The following CNOT11 variants were observed in gnomAD, a reference collection of about 807,000 sequenced individuals.
CNOT11 encodes UPF0760 protein C2orf29.
Under a neutral mutation model 44.6 loss-of-function variants are expected in CNOT11, and 18 were observed. That is an observed-to-expected ratio of 0.40 (90% confidence interval 0.28 to 0.60). The LOEUF (loss-of-function observed/expected upper bound fraction) is 0.60. Among genes scored for constraint, CNOT11 ranks in the 20% least tolerant of loss-of-function variants. CNOT11 has a pLI of 0.38. For missense variants in CNOT11, 513 were observed against 677.0 expected (o/e 0.76, Z 2.69); for synonymous variants, 291 against 270.9 (o/e 1.07, Z -0.73).
rs1194633325 is a variant in CNOT11, at chr2:101,264,964, G to A, written c.952G>A (p.Val318Ile). The A allele has an allele frequency of 1.2e-6, 2 of 1,614,044 alleles. No individual in the cohort carries two copies. Among genetic ancestry groups the A allele is most frequent in the African/African-American group, 1.3e-5 (1 of 74,906 alleles). ...HAIQWDKSMC[V>I]KNSTGVEIKR... ...GATCCAGTGGGATAAATCGATGTGT[G>A]TTAAGAATAGCACTGGTGTGGAGAT... The change falls in exon 4 of 7, where the codon GTT (valine) becomes ATT (isoleucine). Residue 318 changes from valine to isoleucine, a missense_variant. Physicochemically the swap from Val to Ile is conservative, Grantham distance 29. This residue lies in a region of CNOT11 where 140 missense variants were observed against 169.8 expected (regional missense o/e 0.82). Transcript: ENST00000289382.
rs1314629122 is a variant in CNOT11 at position 101,253,001 on chromosome 2, C to A, written c.37C>A (p.Leu13Ile). ...GGGASAASGR[L>I]LTAAEQRGSR... ...AGGGGCGAGCGCGGCGTCTGGCCGGCTTCTCACCGCCGCGGAGCAAAGAGG... is the reference window on the plus strand; with the variant it reads ...AGGGGCGAGCGCGGCGTCTGGCCGGATTCTCACCGCCGCGGAGCAAAGAGG... Residue 13 changes from leucine to isoleucine, a missense_variant, in exon 1 of 7, where the codon CTT (leucine) becomes ATT (isoleucine). By Grantham distance (5) the Leu-to-Ile change is conservative. This residue lies in a region of CNOT11 where 259 missense variants were observed against 265.7 expected (regional missense o/e 0.97). Transcript: ENST00000289382. This position sits in a 1 kb window ranked among gnomAD's most constrained non-coding sequence, Gnocchi z 4.3. 6.7e-7 allele frequency: 1 copy of A among 1,499,022 alleles called. No homozygotes were observed. 92.9% of individuals were successfully genotyped at this position (1,499,022 alleles called of 1,614,324 possible). A position where few individuals can be genotyped will look rare whatever the true frequency, so the allele number is the denominator to read the frequency against.
intron 2 of CNOT11, 149 bp from the exon 3 acceptor site, chr2:101,262,390 G>T: frequency 1.5e-6 from 1 of 647,216 alleles, no homozygotes; most frequent in South Asian, 2.2e-5. Context: ...GTGAGGACCT[G>T]CTATACGTAC....
At chr2:101,263,628 T>C (rs956941634) in intron 3 of CNOT11, among the ~76,000 whole-genome samples, 6 of 152,226 alleles carry the variant, frequency 3.9e-5, no homozygotes, top group Non-Finnish European at 8.8e-5. Flanking sequence ...TACCAGATGA[T>C]AGTGTAGTAT....
At chr2:101,268,200 C>A (rs1682033749) in intron 5 of CNOT11, among the ~76,000 whole-genome samples, 1 of 125,246 alleles carries the variant, frequency 8.0e-6, no homozygotes, top group South Asian at 2.9e-4. Flanking sequence ...CTGCACATCT[C>A]CCCCCTCTTT....
rs73943443 is a variant in CNOT11, at chr2:101,254,168, A to G, written c.514+690A>G. On this transcript the variant is annotated intron_variant, in intron 1 of 6. Transcript: ENST00000289382. ...CTCAAGCAGGTGATGCTTTATGTGG[A>G]TTTGCTTTGCGAGAAGACTTGCAGT... Among the ~76,000 whole-genome samples the G allele has an allele frequency of 9.2e-3, 1,397 of 152,186 alleles. 22 individuals are homozygous for G. Among genetic ancestry groups the G allele is most frequent in the South Asian group, 0.039 (190 of 4,830 alleles).
At chr2:101,268,063 G>A (rs567315803) in intron 5 of CNOT11, among the ~76,000 whole-genome samples, 16 of 152,360 alleles carry the variant, frequency 1.1e-4, no homozygotes, top group Non-Finnish European at 2.1e-4. Flanking sequence ...GTGGAAGTAC[G>A]TGCATAGAAG....
chr2:101,258,184 A>T (rs189532761), intron 2 of CNOT11, among the ~76,000 whole-genome samples: 5 of 152,128 alleles, frequency 3.3e-5, no homozygotes, highest in Admixed American at 6.6e-5. Context: ...ATTTGAGGTC[A>T]GGAGTTTGAG....
chr2:101,260,210 AAAC>A (rs1213493784), intron 2 of CNOT11, among the ~76,000 whole-genome samples: 1 of 152,214 alleles, frequency 6.6e-6, no homozygotes, highest in Admixed American at 6.5e-5. Flanking sequence ...TATTCCTGAC[AAAC>A]ACCAAAGATA....
At chr2:101,256,830 C>T (rs1425193226) in intron 1 of CNOT11, among the ~76,000 whole-genome samples, 3 of 152,008 alleles carry the variant, frequency 2.0e-5, no homozygotes, top group African/African-American at 4.8e-5. Flanking sequence ...GGGTGGATCT[C>T]GAGGTCAGGA....
intron 2 of CNOT11, among the ~76,000 whole-genome samples, chr2:101,262,274 C>T (rs1202672858): frequency 6.6e-6 from 1 of 152,202 alleles, no homozygotes; most frequent in Non-Finnish European, 1.5e-5. Flanking sequence ...CCTTGAATAA[C>T]ACTGTTTCAT....
In CNOT11 at chr2:101,269,457, T is replaced by C. The variant is rs1243096128; in HGVS notation, c.*44T>C. The C allele has an allele frequency of 4.5e-6, 7 of 1,552,002 alleles. No homozygotes were observed. Among genetic ancestry groups the C allele is most frequent in the African/African-American group, 1.4e-5 (1 of 73,706 alleles). ...CCATCCATTCACTGTTCAGCTGTAC[T>C]GTGATTTAGTTTTTACACCGTTAAA... On this transcript the variant is annotated 3_prime_UTR_variant, in exon 7 of 7. Transcript: ENST00000289382. This position sits in a 1 kb window ranked among gnomAD's most constrained non-coding sequence, Gnocchi z 4.8.
intron 1 of CNOT11, among the ~76,000 whole-genome samples, chr2:101,257,027 C>T (rs1440316635): frequency 6.7e-6 from 1 of 150,144 alleles, no homozygotes; most frequent in African/African-American, 2.5e-5. Context: ...CCAGCCTGGG[C>T]GACAGAGCGA....
At chr2:101,263,856 GT>G (rs1391785541) in intron 3 of CNOT11, among the ~76,000 whole-genome samples, 1 of 152,240 alleles carries the variant, frequency 6.6e-6, no homozygotes, top group Non-Finnish European at 1.5e-5. Flanking sequence ...CTCATAATAA[GT>G]GGGTCTAGCC....
intron 1 of CNOT11, among the ~76,000 whole-genome samples, chr2:101,257,441 A>G (rs1209695180): frequency 2.0e-5 from 3 of 151,448 alleles, no homozygotes; most frequent in African/African-American, 7.3e-5. Flanking sequence ...TCAAAGACAG[A>G]TTTTCTTTAG....
At position 101,263,247 on chromosome 2, in the gene CNOT11, C is replaced by T. The variant is rs538622225; in HGVS notation, c.832+556C>T. Reference sequence around the variant, plus strand: ...AAAAAAAATACAGATTCTCATTTTACTGAAATGAGTCTTTTTGTAGCAGCT... The same window carrying T: ...AAAAAAAATACAGATTCTCATTTTATTGAAATGAGTCTTTTTGTAGCAGCT... On this transcript the variant is annotated intron_variant, in intron 3 of 6. Coordinates refer to ENST00000289382, the MANE Select transcript of CNOT11 (RefSeq NM_017546.5). Among the ~76,000 whole-genome samples, 42 of 152,064 alleles carry T rather than the reference C, an allele frequency of 2.8e-4. 1 individual carries two copies. Among genetic ancestry groups the T allele is most frequent in the African/African-American group, 9.9e-4 (41 of 41,520 alleles).
Position 101,253,332 on chromosome 2 carries a change from A to C in CNOT11, c.368A>C (p.Gln123Pro), listed in dbSNP as rs1440844221. The change falls in exon 1 of 7, where the codon CAG (glutamine) becomes CCG (proline). Residue 123 changes from glutamine (Q) to proline (P), a missense_variant. Gln to Pro is a moderately conservative substitution (Grantham distance 76). Around this residue, in one of 4 missense-constraint regions of CNOT11, gnomAD observed 259 missense variants for 265.7 expected, o/e 0.97. Transcript: ENST00000289382. This position sits in a 1 kb window ranked among gnomAD's most constrained non-coding sequence, Gnocchi z 4.3. ...QQPDLLPSAAQRLTALYLLWE... is the reference protein window; with the variant it reads ...QQPDLLPSAAPRLTALYLLWE... Reference sequence around the variant, plus strand: ...CCCGACCTGCTGCCTAGCGCGGCGCAGCGCCTCACGGCGCTCTACCTGCTC... The same window carrying C: ...CCCGACCTGCTGCCTAGCGCGGCGCCGCGCCTCACGGCGCTCTACCTGCTC... 1.2e-6 allele frequency: 2 copies of C among 1,605,240 alleles called. No homozygotes were observed. The highest frequency in any genetic ancestry group is 1.7e-6 in the Non-Finnish European group (2 of 1,179,026).
At chr2:101,268,966 G>C (rs1325841555) in intron 5 of CNOT11, 74 bp from the exon 6 acceptor site, 1 of 951,648 alleles carries the variant, frequency 1.1e-6, no homozygotes, top group African/African-American at 1.6e-5. Flanking sequence ...AGCAAATTTT[G>C]TATTTTATGG....
intron 5 of CNOT11, among the ~76,000 whole-genome samples, chr2:101,268,254 T>C (rs1278656549): frequency 1.3e-5 from 2 of 152,232 alleles, no homozygotes; most frequent in African/African-American, 4.8e-5. Flanking sequence ...CTCTTTTCAG[T>C]GGCCCAGTTC....
intron 3 of CNOT11, 140 bp downstream of exon 3, chr2:101,262,831 A>T: frequency 1.5e-6 from 1 of 678,438 alleles, no homozygotes; most frequent in East Asian, 2.9e-5. Context: ...TAGTGTAGTG[A>T]GTGTCTAGAA....
Sources: gnomAD v4.1 joint callset for allele counts (sites outside exome capture counted in the v4.1 genomes callset) on GRCh38, gnomAD v4.1.1 for gene constraint, gnomAD v4.1.1 regional missense constraint, Gnocchi (gnomAD v3.1) non-coding constraint, MANE v1.5 for transcripts, NCBI Gene and HGNC (gene_info 2026-07-23, HGNC 2026-07-21) for gene names.